MTUS2: variants seen among roughly 807,000 people sequenced by gnomAD.
MTUS2 encodes the protein microtubule associated scaffold protein 2.
MTUS2 carries 40 observed loss-of-function variants against 114.1 expected under a neutral mutation model. That is an observed-to-expected ratio of 0.35 (90% CI 0.27 to 0.46). The LOEUF is 0.46. Ranked by LOEUF, MTUS2 falls within the 20% of genes least tolerant of loss-of-function variation. The pLI is 1.00. For synonymous variants in MTUS2, 688 were observed against 672.0 expected, an observed-to-expected ratio of 1.02 and a Z score of -0.37; for missense variants, 1,679 against 1,705.4, an observed-to-expected ratio of 0.98 and a Z score of 0.27.
chr13:28,852,362 G>T (rs1876334215), intron 2 of MTUS2, among the ~76,000 whole-genome samples: 1 of 152,068 alleles, frequency 6.6e-6, no homozygotes, highest in African/African-American at 2.4e-5. Context: ...CCCACACCTT[G>T]GATGGGGTCT....
intron 9 of MTUS2, among the ~76,000 whole-genome samples, chr13:29,457,126 C>CAG (rs1261895886): frequency 1.3e-4 from 19 of 146,468 alleles, no homozygotes; most frequent in Admixed American, 6.8e-5. Flanking sequence ...GCCTGGGCGA[C>CAG]AGCGAGACTC....
intron 8 of MTUS2, 94 bp from the exon 9 acceptor site, chr13:29,439,889 A>C: frequency 1.0e-6 from 1 of 994,468 alleles, no homozygotes; most frequent in Non-Finnish European, 1.5e-6. Flanking sequence ...AGACTTATAA[A>C]TATTTGCTTA....
chr13:29,156,357 A>G (rs982330638), intron 5 of MTUS2, among the ~76,000 whole-genome samples: 1 of 152,266 alleles, frequency 6.6e-6, no homozygotes, highest in Middle Eastern at 3.4e-3. Flanking sequence ...TCTTGAATGT[A>G]TCACCTATAA....
At chr13:29,287,552 C>CA (rs1898541689) in intron 6 of MTUS2, among the ~76,000 whole-genome samples, 1 of 152,272 alleles carries the variant, frequency 6.6e-6, no homozygotes, top group East Asian at 1.9e-4. Context: ...TCACTGAACA[C>CA]ATGTGTGTTA....
chr13:29,193,028 G>C (rs965044836), intron 5 of MTUS2, among the ~76,000 whole-genome samples: 1 of 152,172 alleles, frequency 6.6e-6, no homozygotes, highest in Non-Finnish European at 1.5e-5. Context: ...GATTAACTCT[G>C]GGGAGACTGA....
intron 2 of MTUS2, among the ~76,000 whole-genome samples, chr13:28,948,198 G>A (rs570132893): frequency 4.1e-4 from 62 of 152,210 alleles, no homozygotes; most frequent in Non-Finnish European, 8.1e-4. Context: ...GTGCCTAAGT[G>A]TTCATTAGCC....
chr13:29,224,004 A>G (rs1444245578), intron 5 of MTUS2, among the ~76,000 whole-genome samples: 3 of 152,232 alleles, frequency 2.0e-5, no homozygotes, highest in East Asian at 1.9e-4. Context: ...CTGGCTGTGC[A>G]CAGTGGCTGG....
At chr13:29,479,968 G>A (rs1714832149) in intron 9 of MTUS2, 182 bp from the exon 10 acceptor site, 2 of 554,394 alleles carry the variant, frequency 3.6e-6, no homozygotes, top group African/African-American at 1.9e-5. Flanking sequence ...AACATCCAGG[G>A]TCTGTTGTGA....
chr13:28,968,570 G>A (rs74041675), intron 2 of MTUS2, among the ~76,000 whole-genome samples: 1,676 of 152,188 alleles, frequency 0.011, 34 homozygotes, highest in African/African-American at 0.038. Flanking sequence ...GTTAGAACTT[G>A]GACTGGATGA....
intron 2 of MTUS2, among the ~76,000 whole-genome samples, chr13:28,963,351 A>AAAAAAC (rs1883422573): frequency 6.6e-6 from 1 of 152,208 alleles, no homozygotes; most frequent in Non-Finnish European, 1.5e-5. Context: ...ACTCCATCTC[A>AAAAAAC]AAAAACAAAA....
intron 2 of MTUS2, among the ~76,000 whole-genome samples, chr13:28,967,309 G>C (rs1883641823): frequency 6.6e-6 from 1 of 152,116 alleles, no homozygotes; most frequent in East Asian, 1.9e-4. Context: ...GCCGGGGGGA[G>C]AGGCATTTCT....
At chr13:28,824,667 CTTT>C (rs77109338) in intron 1 of MTUS2, among the ~76,000 whole-genome samples, 1 of 140,986 alleles carries the variant, frequency 7.1e-6, no homozygotes, top group Admixed American at 7.2e-5. Flanking sequence ...CAGTGTCTAG[CTTT>C]TTTTTTTTTT....
chr13:28,847,246 AATATCACTT>A (rs953755080), intron 2 of MTUS2, among the ~76,000 whole-genome samples: 2 of 152,188 alleles, frequency 1.3e-5, no homozygotes, highest in Non-Finnish European at 2.9e-5. Flanking sequence ...CAATAAAGTC[AATATCACTT>A]GAGGTTTTTT....
At chr13:29,410,780 G>A (rs935560403) in intron 8 of MTUS2, among the ~76,000 whole-genome samples, 3 of 151,620 alleles carry the variant, frequency 2.0e-5, no homozygotes, top group Non-Finnish European at 4.4e-5. Flanking sequence ...AGTTTTTTTA[G>A]TCATAGTTAT....
intron 2 of MTUS2, among the ~76,000 whole-genome samples, chr13:28,920,760 C>T (rs1479645013): frequency 6.6e-6 from 1 of 152,188 alleles, no homozygotes; most frequent in Non-Finnish European, 1.5e-5. Flanking sequence ...GTACTCAAAC[C>T]ACAAGACAAA....
chr13:29,430,341 T>C (rs901480262), intron 8 of MTUS2, among the ~76,000 whole-genome samples: 1 of 152,180 alleles, frequency 6.6e-6, no homozygotes, highest in Non-Finnish European at 1.5e-5. Flanking sequence ...TGTTTCCCTA[T>C]TTTGTTTTAA....
At chr13:29,256,646 A>T (rs1022565918) in intron 5 of MTUS2, among the ~76,000 whole-genome samples, 25 of 152,268 alleles carry the variant, frequency 1.6e-4, no homozygotes, top group African/African-American at 6.0e-4. Context: ...AATAAATACA[A>T]GACTTAATTC....
chr13:28,993,343 T>C (rs1233849136), intron 2 of MTUS2, among the ~76,000 whole-genome samples: 1 of 152,258 alleles, frequency 6.6e-6, no homozygotes, highest in Non-Finnish European at 1.5e-5. Flanking sequence ...CTGTACCATT[T>C]TATAATCCTA....
At chr13:28,870,570 G>A (rs1877561017) in intron 2 of MTUS2, among the ~76,000 whole-genome samples, 1 of 152,152 alleles carries the variant, frequency 6.6e-6, no homozygotes, top group Non-Finnish European at 1.5e-5. Flanking sequence ...TTGATTAGTT[G>A]ATAATTATTT....
Sources: allele counts gnomAD v4.1 joint callset (sites outside exome capture counted in the v4.1 genomes callset), GRCh38; gene constraint gnomAD v4.1.1; transcripts MANE v1.5; gene names NCBI Gene and HGNC (gene_info 2026-07-23, HGNC 2026-07-21).